BRD1: variants seen among roughly 807,000 people sequenced by gnomAD.
BRD1 encodes the protein bromodomain-containing protein 1.
BRD1 carries 24 observed loss-of-function variants against 107.7 expected under a neutral mutation model. That is an observed-to-expected ratio of 0.22 (90% confidence interval 0.16 to 0.31). BRD1 has a LOEUF of 0.31. BRD1 is among the 10% of genes least tolerant of loss of function. BRD1 has a pLI of 1.00. For synonymous variants in BRD1, 744 were observed against 686.1 expected (o/e 1.08, Z -1.32); for missense variants, 1,279 against 1,638.6 (o/e 0.78, Z 3.79).
At position 49,791,008 on chromosome 22, in the gene BRD1, G is replaced by A. The variant is rs141352667; in HGVS notation, c.2359+3026C>T. On this transcript the variant is annotated intron_variant, in intron 7 of 12. Transcript: ENST00000404760. ...AGCCCCTTTCACCAGCTCACGGTGC[G>A]GACCCTGCTCCTCCTGACTGCACTG... 1.2e-4 allele frequency among the ~76,000 whole-genome samples: 18 copies of A among 152,338 alleles called. No homozygotes were observed. The East Asian group carries it at 2.1e-3, about 18-fold the overall frequency.
At chr22:49,822,236 G>A (rs1166144806) in intron 2 of BRD1, among the ~76,000 whole-genome samples, 2 of 152,104 alleles carry the variant, frequency 1.3e-5, no homozygotes, top group Non-Finnish European at 2.9e-5. Flanking sequence ...GACCACCCTG[G>A]GCAACATGGT....
Position 49,824,186 on chromosome 22 carries a change from A to C in BRD1, c.132T>G (p.Ile44Met). The C allele has an allele frequency of 6.2e-7, 1 of 1,613,890 alleles. No individual in the cohort carries two copies. The change falls in exon 2 of 13, where the codon ATT (isoleucine) becomes ATG (methionine). Residue 44 changes from isoleucine to methionine, a missense_variant. Ile to Met is a conservative substitution (Grantham distance 10). Around this residue, in one of 7 missense-constraint regions of BRD1, gnomAD observed 223 missense variants for 263.5 expected, o/e 0.85. Transcript: ENST00000404760. The surrounding 1 kb of genome is among the most constrained non-coding windows in gnomAD (Gnocchi z 5.9). ...TACTGATCCTGTGCAAGCGCCCTTC[A>C]ATTTCTATCTCTACCATCCTTTGAG... ...AQAQRMVEIE[I>M]EGRLHRISIF...
chr22:49,825,330 T>A (rs1601759135), intron 1 of BRD1, among the ~76,000 whole-genome samples: 1 of 151,360 alleles, frequency 6.6e-6, no homozygotes, highest in African/African-American at 2.4e-5. Context: ...ACCAGGAGGG[T>A]CGCCAGCGCT....
At chr22:49,822,586 T>C (rs955676843) in intron 2 of BRD1, among the ~76,000 whole-genome samples, 1 of 152,034 alleles carries the variant, frequency 6.6e-6, no homozygotes, top group African/African-American at 2.4e-5. Flanking sequence ...GGCGCACGCC[T>C]GCAGTCCCAG....
At chr22:49,781,432 T>C (rs2059205818) in intron 8 of BRD1, among the ~76,000 whole-genome samples, 1 of 152,206 alleles carries the variant, frequency 6.6e-6, no homozygotes, top group African/African-American at 2.4e-5. Flanking sequence ...CAGGTCTGAC[T>C]GATGGGCCGT....
intron 8 of BRD1, among the ~76,000 whole-genome samples, chr22:49,780,827 C>T (rs549044656): frequency 2.1e-4 from 32 of 152,386 alleles, no homozygotes; most frequent in African/African-American, 6.7e-4. Flanking sequence ...CCAGAACATT[C>T]TGAAGCCCAG....
intron 6 of BRD1, among the ~76,000 whole-genome samples, chr22:49,794,722 A>G (rs961414913): frequency 6.6e-6 from 1 of 152,192 alleles, no homozygotes; most frequent in Admixed American, 6.5e-5. Flanking sequence ...AGAGGTGACG[A>G]CTGGCAAATG....
chr22:49,799,038 G>A lies in BRD1; in HGVS notation c.1606C>T (p.Arg536Cys), dbSNP rs967491919. The A allele has an allele frequency of 1.2e-6, 2 of 1,611,430 alleles. No homozygotes were observed. The highest frequency in any genetic ancestry group is 1.7e-6 in the Non-Finnish European group (2 of 1,179,912). Residue 536 changes from arginine (R) to cysteine (C), a missense_variant, in exon 4 of 13, where the codon CGC becomes TGC. Around this residue, in one of 7 missense-constraint regions of BRD1, gnomAD observed 406 missense variants for 519.4 expected, o/e 0.78. Coordinates refer to ENST00000404760, the MANE Select transcript of BRD1 (RefSeq NM_001304808.3). ...TTGCGCAGCAGCTCGATCAGCAGGC[G>A]AGCGCGCTCCAGGTCGTGCCGCAGC... is the stretch of plus-strand genomic sequence containing the variant. ...QRLRHDLERARLLIELLRKRE... is the reference protein window; with the variant it reads ...QRLRHDLERACLLIELLRKRE...
intron 2 of BRD1, among the ~76,000 whole-genome samples, chr22:49,816,318 G>C: frequency 6.6e-6 from 1 of 152,058 alleles, no homozygotes; most frequent in East Asian, 1.9e-4. Context: ...ACTCCTGCCT[G>C]GGCAACAGAG....
intron 8 of BRD1, among the ~76,000 whole-genome samples, chr22:49,787,180 A>C (rs1355013642): frequency 1.3e-5 from 2 of 152,178 alleles, no homozygotes; most frequent in Non-Finnish European, 2.9e-5. Context: ...CTCTCGTGGC[A>C]AACAGGCCCC....
At chr22:49,814,229 ACT>A (rs1282642664) in intron 2 of BRD1, among the ~76,000 whole-genome samples, 1 of 152,162 alleles carries the variant, frequency 6.6e-6, no homozygotes, top group Non-Finnish European at 1.5e-5. Context: ...GAAAAGATAC[ACT>A]CACCCACGGG....
chr22:49,796,559 T>C (rs1601662491), intron 6 of BRD1, among the ~76,000 whole-genome samples: 2 of 151,584 alleles, frequency 1.3e-5, no homozygotes, highest in East Asian at 1.9e-4. Flanking sequence ...GGTTTCTGCA[T>C]GTTGGCCAGG....
At chr22:49,791,148 C>T (rs903112914) in intron 7 of BRD1, among the ~76,000 whole-genome samples, 2 of 152,368 alleles carry the variant, frequency 1.3e-5, no homozygotes, top group South Asian at 2.1e-4. Flanking sequence ...CCAGCTGTGG[C>T]GTGGCCCCCA....
At chr22:49,789,055 C>G (rs574440096) in intron 7 of BRD1, among the ~76,000 whole-genome samples, 2 of 152,204 alleles carry the variant, frequency 1.3e-5, no homozygotes, top group African/African-American at 4.8e-5. Flanking sequence ...GCAGTGCTTT[C>G]GGCTGCGAGG....
chr22:49,811,839 C>T (rs1394998848), intron 2 of BRD1, among the ~76,000 whole-genome samples: 2 of 152,184 alleles, frequency 1.3e-5, no homozygotes, highest in African/African-American at 2.4e-5. Context: ...ATTCAGCCGG[C>T]GGTGCTGAGT....
At chr22:49,775,873 C>CT in intron 11 of BRD1, 128 bp from the exon 12 acceptor site, 3 of 1,255,580 alleles carry the variant, frequency 2.4e-6, no homozygotes. Flanking sequence ...CCCCACGCCC[C>CT]CCTCGCCGAA....
At chr22:49,809,401 G>T (rs1414695755) in intron 2 of BRD1, among the ~76,000 whole-genome samples, 1 of 151,940 alleles carries the variant, frequency 6.6e-6, no homozygotes, top group African/African-American at 2.4e-5. Flanking sequence ...TTAGCCAGGC[G>T]TGGTGACAGG....
intron 2 of BRD1, among the ~76,000 whole-genome samples, chr22:49,816,300 G>A (rs751286634): frequency 9.2e-5 from 14 of 152,048 alleles, no homozygotes; most frequent in Non-Finnish European, 1.5e-4. Flanking sequence ...CTAGGATTGC[G>A]CCACTTCACT....
intron 6 of BRD1, among the ~76,000 whole-genome samples, chr22:49,796,747 G>C (rs1201014376): frequency 6.6e-6 from 1 of 152,248 alleles, no homozygotes; most frequent in African/African-American, 2.4e-5. Context: ...AGGGAGCCCA[G>C]CACTGCTGCC....
Sources: gnomAD v4.1 joint callset for allele counts (sites outside exome capture counted in the v4.1 genomes callset) on GRCh38, gnomAD v4.1.1 for gene constraint, gnomAD v4.1.1 regional missense constraint, Gnocchi (gnomAD v3.1) non-coding constraint, MANE v1.5 for transcripts, NCBI Gene and HGNC (gene_info 2026-07-23, HGNC 2026-07-21) for gene names.